Variants in ZFHX3 observed in about 807,000 individuals in gnomAD.
ZFHX3 encodes the protein zinc finger homeobox protein 3.
In ZFHX3, 42 loss-of-function variants were observed where a neutral mutation model predicts 279.1. That is an observed-to-expected ratio of 0.15 (90% CI 0.12 to 0.19). The LOEUF is 0.19. Ranked by LOEUF, ZFHX3 falls within the 10% of genes least tolerant of loss-of-function variation. The probability of loss-of-function intolerance (pLI) is 1.00; values close to 1 mark genes in which losing one functional copy is unlikely to be tolerated. For missense variants in ZFHX3, 4,981 were observed against 4,754.0 expected (o/e 1.05, Z -1.40); for synonymous variants, 2,293 against 1,957.8 (o/e 1.17, Z -4.52).
chr16:73,282,002 C>T (rs2014469179), intron 4 of ZFHX3, among the ~76,000 whole-genome samples: 1 of 152,140 alleles, frequency 6.6e-6, no homozygotes, highest in Admixed American at 6.5e-5. Flanking sequence ...GAATCCAAAA[C>T]GCCAAAATGA....
intron 1 of ZFHX3, among the ~76,000 whole-genome samples, chr16:73,714,520 T>A (rs1450648339): frequency 1.3e-5 from 2 of 152,170 alleles, no homozygotes; most frequent in African/African-American, 4.8e-5. Context: ...CAAGTCTCCA[T>A]CCAGCCCAGT....
chr16:73,248,411 G>A (rs1316289352), intron 5 of ZFHX3, among the ~76,000 whole-genome samples: 1 of 150,846 alleles, frequency 6.6e-6, no homozygotes, highest in Non-Finnish European at 1.5e-5. Flanking sequence ...TGTGTGCACT[G>A]TGCATATAAT....
intron 5 of ZFHX3, among the ~76,000 whole-genome samples, chr16:73,251,754 C>CCA (rs1296818552): frequency 5.3e-4 from 55 of 104,046 alleles, no homozygotes; most frequent in Admixed American, 9.5e-4. Context: ...CACATACACA[C>CCA]CACACACACA....
chr16:73,067,734 C>T (rs1397235960), intron 8 of ZFHX3, among the ~76,000 whole-genome samples: 1 of 152,188 alleles, frequency 6.6e-6, no homozygotes, highest in Non-Finnish European at 1.5e-5. Flanking sequence ...ACAGATAAAA[C>T]CAAGGCTAAT....
intron 5 of ZFHX3, among the ~76,000 whole-genome samples, chr16:73,148,920 C>T (rs1454274347): frequency 6.6e-6 from 1 of 151,540 alleles, no homozygotes; most frequent in Non-Finnish European, 1.5e-5. Context: ...GCACTCCAGC[C>T]TAGGCGACAG....
chr16:72,986,458 G>A (rs1962847547), intron 1 of ZFHX3, among the ~76,000 whole-genome samples: 1 of 152,194 alleles, frequency 6.6e-6, no homozygotes, highest in African/African-American at 2.4e-5. Context: ...GTCAAATGCT[G>A]ATTGTAGAAT....
rs116325272 is a variant in ZFHX3, at chr16:73,277,304, C to T, written c.-1193-20168G>A. On this transcript the variant is annotated intron_variant, in intron 4 of 17. Coordinates refer to the ZFHX3 transcript ENST00000641206. The stretch of plus-strand genomic sequence containing the variant: ...TTTCAGAATGAACTGAAAGTCACCC[C>T]GGGTTTACTTAATACCAACCTTGCC... Among the ~76,000 whole-genome samples the T allele has an allele frequency of 6.2e-3, 938 of 152,244 alleles. 10 individuals carry two copies. The highest frequency in any genetic ancestry group is 0.021 in the African/African-American group (868 of 41,544).
At chr16:73,197,178 T>G (rs538847045) in intron 5 of ZFHX3, among the ~76,000 whole-genome samples, 67 of 152,116 alleles carry the variant, frequency 4.4e-4, no homozygotes, top group African/African-American at 1.6e-3. Flanking sequence ...CTTGACACTG[T>G]TGTTTTCTTA....
intron 5 of ZFHX3, among the ~76,000 whole-genome samples, chr16:73,215,878 CGT>C (rs148879993): frequency 2.8e-4 from 43 of 151,624 alleles, no homozygotes; most frequent in South Asian, 2.3e-3. Flanking sequence ...TGTGCATGGA[CGT>C]GTGTGTGTGT....
intron 7 of ZFHX3, among the ~76,000 whole-genome samples, chr16:72,810,403 CTTG>C (rs1488777866): frequency 1.3e-5 from 2 of 152,126 alleles, no homozygotes; most frequent in African/African-American, 4.8e-5. Flanking sequence ...CCAGGCTGGT[CTTG>C]AACTCCTGAC....
intron 8 of ZFHX3, among the ~76,000 whole-genome samples, chr16:73,089,185 C>T (rs1966043528): frequency 6.6e-6 from 1 of 152,186 alleles, no homozygotes; most frequent in Middle Eastern, 3.4e-3. Flanking sequence ...CTCACTGCAA[C>T]CTCCGCCTCC....
intron 3 of ZFHX3, among the ~76,000 whole-genome samples, chr16:73,426,897 A>G (rs1253202569): frequency 1.3e-5 from 2 of 152,174 alleles, no homozygotes; most frequent in Non-Finnish European, 2.9e-5. Flanking sequence ...TTCTGCCCAC[A>G]TGCATAAAGA....
At chr16:73,106,504 A>G (rs1439240384) in intron 7 of ZFHX3, among the ~76,000 whole-genome samples, 2 of 152,088 alleles carry the variant, frequency 1.3e-5, no homozygotes, top group Non-Finnish European at 2.9e-5. Flanking sequence ...AGATGGCTTC[A>G]TGTTCTATCT....
At chr16:73,485,447 A>C (rs992003623) in intron 2 of ZFHX3, among the ~76,000 whole-genome samples, 11 of 151,760 alleles carry the variant, frequency 7.2e-5, no homozygotes, top group African/African-American at 2.4e-4. Flanking sequence ...AAAAAAAAAA[A>C]CTTTCTAGCA....
intron 2 of ZFHX3, among the ~76,000 whole-genome samples, chr16:72,952,560 G>A (rs1477145415): frequency 2.0e-5 from 3 of 152,190 alleles, no homozygotes; most frequent in Non-Finnish European, 4.4e-5. Context: ...ACGCCCAAAT[G>A]TTTGCTGTGC....
At chr16:73,662,997 G>A (rs954735547) in intron 2 of ZFHX3, among the ~76,000 whole-genome samples, 1 of 152,134 alleles carries the variant, frequency 6.6e-6, no homozygotes, top group South Asian at 2.1e-4. Flanking sequence ...TGCTGGGATC[G>A]TGATTTGCTA....
At chr16:73,569,285 G>C (rs1389657040) in intron 2 of ZFHX3, among the ~76,000 whole-genome samples, 2 of 152,064 alleles carry the variant, frequency 1.3e-5, no homozygotes, top group Non-Finnish European at 2.9e-5. Flanking sequence ...TCCTAGAGTA[G>C]TGAATAACAG....
chr16:73,302,165 C>G (rs535154864), intron 4 of ZFHX3, among the ~76,000 whole-genome samples: 1 of 152,272 alleles, frequency 6.6e-6, no homozygotes, highest in African/African-American at 2.4e-5. Context: ...CTTTCTCTTT[C>G]TTTTCCCCCT....
chr16:73,331,260 T>C (rs991860189), intron 3 of ZFHX3, among the ~76,000 whole-genome samples: 1 of 152,142 alleles, frequency 6.6e-6, no homozygotes, highest in Non-Finnish European at 1.5e-5. Context: ...CCCCATAATC[T>C]AATCACCTCC....
Sources: gnomAD v4.1 joint callset for allele counts (sites outside exome capture counted in the v4.1 genomes callset) on GRCh38, gnomAD v4.1.1 for gene constraint, MANE v1.5 for transcripts, NCBI Gene and HGNC (gene_info 2026-07-23, HGNC 2026-07-21) for gene names.